SEMA5A: variants seen among roughly 807,000 people sequenced by gnomAD.
SEMA5A encodes semaphorin-5A.
Under a neutral mutation model 135.5 loss-of-function variants are expected in SEMA5A, and 55 were observed. The ratio of observed to expected loss-of-function variants is 0.41; its 90% CI spans 0.33 to 0.51. SEMA5A has a LOEUF of 0.51. Among genes scored for constraint, SEMA5A ranks in the 20% least tolerant of loss-of-function variants. SEMA5A has a pLI of 0.37. For synonymous variants in SEMA5A, 580 were observed against 546.5 expected, an observed-to-expected ratio of 1.06 and a Z score of -0.85; for missense variants, 1,290 against 1,419.9, an observed-to-expected ratio of 0.91 and a Z score of 1.47.
At chr5:9,190,921 A>G (rs1355284349) in intron 10 of SEMA5A, among the ~76,000 whole-genome samples, 1 of 152,204 alleles carries the variant, frequency 6.6e-6, no homozygotes, top group Non-Finnish European at 1.5e-5. Context: ...GGGGTCTGTA[A>G]GCAAGGCATG....
intron 7 of SEMA5A, 74 bp downstream of exon 7, chr5:9,226,795 A>C (rs1389275234): frequency 1.7e-6 from 2 of 1,182,126 alleles, no homozygotes; most frequent in Admixed American, 1.8e-5. Context: ...AAATTCATTT[A>C]AAACTAGTAT....
chr5:9,053,900 T>C (rs1736736265), intron 19 of SEMA5A, 187 bp downstream of exon 19: 2 of 565,610 alleles, frequency 3.5e-6, no homozygotes, highest in African/African-American at 3.9e-5. Flanking sequence ...AATCTATAGC[T>C]CAGTGAGAAC....
At chr5:9,194,147 C>T (rs779161871) in intron 10 of SEMA5A, among the ~76,000 whole-genome samples, 6 of 152,164 alleles carry the variant, frequency 3.9e-5, no homozygotes, top group Admixed American at 6.5e-5. Flanking sequence ...GTGATTGCCG[C>T]GTGTCTTACT....
intron 3 of SEMA5A, among the ~76,000 whole-genome samples, chr5:9,373,834 C>T (rs1755244108): frequency 1.3e-5 from 2 of 152,296 alleles, no homozygotes; most frequent in South Asian, 4.1e-4. Flanking sequence ...AATTGCTTCC[C>T]ACAAACCAAT....
intron 4 of SEMA5A, among the ~76,000 whole-genome samples, chr5:9,335,914 C>A (rs1753369694): frequency 6.6e-6 from 1 of 152,118 alleles, no homozygotes; most frequent in Admixed American, 6.5e-5. Flanking sequence ...AAGACAGGCA[C>A]TTCCCTTGCC....
At chr5:9,089,286 A>G (rs1251990921) in intron 16 of SEMA5A, among the ~76,000 whole-genome samples, 1 of 152,244 alleles carries the variant, frequency 6.6e-6, no homozygotes, top group East Asian at 1.9e-4. Flanking sequence ...ATAATGTTTC[A>G]TAACTTTTGT....
At chr5:9,267,172 G>A (rs918852205) in intron 5 of SEMA5A, among the ~76,000 whole-genome samples, 134 of 151,602 alleles carry the variant, frequency 8.8e-4, no homozygotes, top group African/African-American at 3.2e-3. Context: ...TTCACATTCA[G>A]AAAAGATTAG....
At position 9,052,010 on chromosome 5, in the gene SEMA5A, G is replaced by A. The variant is rs767167913; in HGVS notation, c.2708C>T (p.Ser903Leu). 21 of 1,608,760 alleles carry A rather than the reference G, an allele frequency of 1.3e-5. No individual in the cohort carries two copies. The highest frequency in any genetic ancestry group is 1.7e-5 in the Non-Finnish European group (20 of 1,177,172). Residue 903 changes from serine (S) to leucine (L), a missense_variant, in exon 20 of 23, where the codon TCG becomes TTG. By Grantham distance (145) the Ser-to-Leu change is moderately radical. Coordinates refer to ENST00000382496, the MANE Select transcript of SEMA5A (RefSeq NM_003966.3). ...AGAGGCTTCACACTCAGACCAGTCC[G>A]ACCACTCCGACCAGCTCTCTGCAGA... is the stretch of plus-strand genomic sequence containing the variant. ...QPCPESWSEW[S>L]DWSECEASGV...
At chr5:9,298,071 A>G (rs193289032) in intron 5 of SEMA5A, among the ~76,000 whole-genome samples, 1 of 152,288 alleles carries the variant, frequency 6.6e-6, no homozygotes, top group Admixed American at 6.5e-5. Context: ...TCCCCAAAAG[A>G]TACGGTGAAG....
intron 12 of SEMA5A, among the ~76,000 whole-genome samples, chr5:9,143,485 T>C (rs552217872): frequency 6.6e-6 from 1 of 152,366 alleles, no homozygotes; most frequent in East Asian, 1.9e-4. Context: ...AATTGACTTA[T>C]ACTGGCACTA....
intron 1 of SEMA5A, among the ~76,000 whole-genome samples, chr5:9,493,385 C>A (rs645696): frequency 0.97 from 147,050 of 151,628 alleles, 71,555 homozygotes; most frequent in Non-Finnish European, 1. Flanking sequence ...TACACTTATA[C>A]ATTTTTTTGA....
At chr5:9,241,088 G>A (rs1484953466) in intron 5 of SEMA5A, among the ~76,000 whole-genome samples, 3 of 152,040 alleles carry the variant, frequency 2.0e-5, no homozygotes, top group Non-Finnish European at 4.4e-5. Flanking sequence ...CAGACATATA[G>A]CAGTAATATT....
At chr5:9,118,857 G>A in intron 15 of SEMA5A, 141 bp downstream of exon 15, 1 of 1,077,544 alleles carries the variant, frequency 9.3e-7, no homozygotes, top group East Asian at 2.6e-5. Context: ...GCCAGGAAAA[G>A]AAGAGGACGA....
intron 1 of SEMA5A, among the ~76,000 whole-genome samples, chr5:9,491,136 T>A (rs1465221477): frequency 6.6e-6 from 1 of 151,894 alleles, no homozygotes; most frequent in Non-Finnish European, 1.5e-5. Flanking sequence ...TGTCCTCAAG[T>A]TCAGTTTTGG....
At chr5:9,090,491 A>T (rs892222422) in intron 16 of SEMA5A, among the ~76,000 whole-genome samples, 1 of 152,238 alleles carries the variant, frequency 6.6e-6, no homozygotes, top group Non-Finnish European at 1.5e-5. Context: ...TAAAATGTTG[A>T]AAGAACTCTT....
At chr5:9,411,218 C>T (rs1263902913) in intron 2 of SEMA5A, among the ~76,000 whole-genome samples, 1 of 152,174 alleles carries the variant, frequency 6.6e-6, no homozygotes, top group African/African-American at 2.4e-5. Flanking sequence ...CACTGGTTAT[C>T]TGTAGAGGCT....
chr5:9,466,799 A>T (rs765638462), intron 1 of SEMA5A, among the ~76,000 whole-genome samples: 1 of 152,216 alleles, frequency 6.6e-6, no homozygotes, highest in Non-Finnish European at 1.5e-5. Flanking sequence ...GCATTAAATA[A>T]TTGGGATCCA....
intron 8 of SEMA5A, among the ~76,000 whole-genome samples, chr5:9,221,562 A>T (rs1374208433): frequency 1.3e-5 from 2 of 152,060 alleles, no homozygotes; most frequent in Admixed American, 1.3e-4. Flanking sequence ...TCGGCCTCCC[A>T]AAGTGCTGGG....
chr5:9,361,034 C>T lies in SEMA5A; in HGVS notation c.124+18789G>A, dbSNP rs1487381405. Among the ~76,000 whole-genome samples, 7 of 152,206 alleles carry T rather than the reference C, an allele frequency of 4.6e-5. No individual in the cohort carries two copies. In the East Asian group the frequency reaches 1.2e-3, roughly 25 times the overall value. On this transcript the variant is annotated intron_variant, in intron 3 of 22. Coordinates refer to ENST00000382496, the MANE Select transcript of SEMA5A (RefSeq NM_003966.3). ...TCAAGTCTGGCCAGGCGCAGTGGCACATGCCTGATATCCCAGCACTTTGGG... is the reference window on the plus strand; with the variant it reads ...TCAAGTCTGGCCAGGCGCAGTGGCATATGCCTGATATCCCAGCACTTTGGG...
Sources: gnomAD v4.1 joint callset for allele counts (sites outside exome capture counted in the v4.1 genomes callset) on GRCh38, gnomAD v4.1.1 for gene constraint, MANE v1.5 for transcripts, NCBI Gene and HGNC (gene_info 2026-07-23, HGNC 2026-07-21) for gene names.